The following LTBP1 variants were observed in gnomAD, a reference collection of about 807,000 sequenced individuals.
The protein encoded by LTBP1 is latent-transforming growth factor beta-binding protein 1.
Under a neutral mutation model 207.6 loss-of-function variants are expected in LTBP1, and 129 were observed. The ratio of observed to expected loss-of-function variants is 0.62; its 90% CI spans 0.54 to 0.72. The LOEUF (loss-of-function observed/expected upper bound fraction) is 0.72, where lower values mean the gene tolerates loss of function less well. Among genes scored for constraint, LTBP1 ranks in the 30% least tolerant of loss-of-function variants. LTBP1 has a pLI of 0.00. For missense variants in LTBP1, 2,281 were observed against 2,217.2 expected (o/e 1.03, Z -0.58); for synonymous variants, 963 against 833.7 (o/e 1.16, Z -2.67).
chr2:33,329,618 A>G (rs1427240393), intron 24 of LTBP1, among the ~76,000 whole-genome samples: 1 of 152,106 alleles, frequency 6.6e-6, no homozygotes, highest in Non-Finnish European at 1.5e-5. Flanking sequence ...TGGACATCAA[A>G]TTAGGTCATC....
At chr2:33,176,669 A>G (rs191135026) in intron 5 of LTBP1, among the ~76,000 whole-genome samples, 241 of 152,312 alleles carry the variant, frequency 1.6e-3, no homozygotes, top group Non-Finnish European at 3.0e-3. Flanking sequence ...GAAATAATCT[A>G]CAGTATAGTG....
chr2:32,989,106 G>A (rs1029129406), intron 2 of LTBP1, among the ~76,000 whole-genome samples: 93 of 152,086 alleles, frequency 6.1e-4, no homozygotes, highest in Non-Finnish European at 1.3e-4. Flanking sequence ...TTGCTATAAC[G>A]GAGTCCCTTA....
At chr2:33,065,438 A>C (rs1228090338) in intron 3 of LTBP1, among the ~76,000 whole-genome samples, 1 of 152,092 alleles carries the variant, frequency 6.6e-6, no homozygotes, top group African/African-American at 2.4e-5. Context: ...CCTGTAGCCC[A>C]AGCTACTCAG....
chr2:33,095,610 C>G (rs918621440), intron 3 of LTBP1, among the ~76,000 whole-genome samples: 3 of 152,006 alleles, frequency 2.0e-5, no homozygotes, highest in African/African-American at 7.2e-5. Flanking sequence ...ATAAAACAAT[C>G]AGTAGAAAAC....
chr2:33,169,085 T>C (rs1029368869), intron 5 of LTBP1, among the ~76,000 whole-genome samples: 1 of 152,236 alleles, frequency 6.6e-6, no homozygotes, highest in African/African-American at 2.4e-5. Context: ...TTGTTTATAG[T>C]AGTGGTTCCC....
intron 32 of LTBP1, among the ~76,000 whole-genome samples, chr2:33,396,235 G>A (rs1444988951): frequency 6.6e-6 from 1 of 150,884 alleles, no homozygotes; most frequent in East Asian, 1.9e-4. Flanking sequence ...TTTGTCTTTT[G>A]TTTTTTTGAC....
chr2:33,356,240 C>A (rs1224987043), intron 26 of LTBP1, among the ~76,000 whole-genome samples: 2 of 152,134 alleles, frequency 1.3e-5, no homozygotes, highest in Admixed American at 1.3e-4. Context: ...GGGAAGCAAT[C>A]GTGATGAATC....
rs1176008947 is a variant in LTBP1, at chr2:33,150,710, CTTTTTTTTTTTTTTTTT to C, written c.1201+15760_1201+15776del. ...CTTTTCTTTTTTCTTTTTTCTTTTT[CTTTTTTTTTTTTTTTTT>C]TTTTTTTTTGAGACAGAGTCTCGCT... On this transcript the variant is annotated intron_variant, in intron 5 of 33. Transcript: ENST00000404816. Among the ~76,000 whole-genome samples the C allele has an allele frequency of 1.8e-3, 127 of 69,314 alleles. 4 individuals are homozygous for C. Among genetic ancestry groups the C allele is most frequent in the Admixed American group, 1.2e-3 (6 of 4,834 alleles). 45.5% of individuals were successfully genotyped at this position (69,314 alleles called of 152,430 possible).
chr2:33,045,155 T>C (rs555642871), intron 3 of LTBP1, among the ~76,000 whole-genome samples: 2 of 152,210 alleles, frequency 1.3e-5, no homozygotes, highest in African/African-American at 2.4e-5. Flanking sequence ...CTGTTGCCAT[T>C]GCTTTTGGTG....
At chr2:33,244,637 A>G (rs2092446508) in intron 10 of LTBP1, among the ~76,000 whole-genome samples, 1 of 152,152 alleles carries the variant, frequency 6.6e-6, no homozygotes, top group Non-Finnish European at 1.5e-5. Flanking sequence ...ATAGGTAAGC[A>G]CTGTAAGATT....
intron 2 of LTBP1, among the ~76,000 whole-genome samples, chr2:32,978,101 C>G (rs1171223664): frequency 6.6e-6 from 1 of 152,014 alleles, no homozygotes; most frequent in Non-Finnish European, 1.5e-5. Flanking sequence ...TTTATTAGTT[C>G]TAATAGTTTT....
At chr2:32,978,019 A>G (rs952658982) in intron 2 of LTBP1, among the ~76,000 whole-genome samples, 98 of 152,036 alleles carry the variant, frequency 6.4e-4, no homozygotes, top group African/African-American at 2.3e-3. Context: ...CAAATTGTTC[A>G]CTATTAGCAT....
At position 33,363,526 on chromosome 2, in the gene LTBP1, T is replaced by C. The variant is rs147628246; in HGVS notation, c.4399+8T>C. ...TGAAACTGCAGTGCTTTGGTAAGCT[T>C]TAGGGGGATATAGTATGGTGTACTG... is the stretch of plus-strand genomic sequence containing the variant. On this transcript the variant is annotated splice_region_variant and intron_variant, in intron 29 of 33. Coordinates refer to ENST00000404816, the MANE Select transcript of LTBP1 (RefSeq NM_206943.4). 1.2e-6 allele frequency: 2 copies of C among 1,613,492 alleles called. No homozygotes were observed. Among genetic ancestry groups the C allele is most frequent in the African/African-American group, 2.7e-5 (2 of 75,012 alleles).
At chr2:33,287,787 A>G (rs1293316574) in intron 19 of LTBP1, among the ~76,000 whole-genome samples, 4 of 152,242 alleles carry the variant, frequency 2.6e-5, no homozygotes, top group Admixed American at 1.3e-4. Flanking sequence ...CTACTACCAC[A>G]TATTTTAACT....
At chr2:33,384,175 G>C (rs1430067473) in intron 31 of LTBP1, among the ~76,000 whole-genome samples, 2 of 152,120 alleles carry the variant, frequency 1.3e-5, no homozygotes, top group African/African-American at 4.8e-5. Context: ...CACACCCACA[G>C]GCTCCAGGGG....
chr2:33,129,281 G>A (rs906431544), intron 4 of LTBP1, among the ~76,000 whole-genome samples: 12 of 152,090 alleles, frequency 7.9e-5, no homozygotes, highest in African/African-American at 2.9e-4. Flanking sequence ...TTCAGTTTAG[G>A]GATGCGGAAC....
intron 3 of LTBP1, among the ~76,000 whole-genome samples, chr2:33,029,913 A>G (rs1010399253): frequency 1.3e-5 from 2 of 152,258 alleles, no homozygotes; most frequent in African/African-American, 4.8e-5. Flanking sequence ...ATTCTGTTTC[A>G]TGAAGGAAAT....
chr2:33,334,174 C>T (rs1000759319), intron 24 of LTBP1, among the ~76,000 whole-genome samples: 1 of 152,164 alleles, frequency 6.6e-6, no homozygotes, highest in African/African-American at 2.4e-5. Context: ...GGAGTAAACA[C>T]AGCATGCGTA....
At chr2:33,002,070 C>T (rs549826679) in intron 2 of LTBP1, among the ~76,000 whole-genome samples, 1 of 134,398 alleles carries the variant, frequency 7.4e-6, no homozygotes, top group East Asian at 3.8e-4. Context: ...AATACAACAC[C>T]AGTCACTGTT....
Sources: gnomAD v4.1 joint callset for allele counts (sites outside exome capture counted in the v4.1 genomes callset) on GRCh38, gnomAD v4.1.1 for gene constraint, MANE v1.5 for transcripts, NCBI Gene and HGNC (gene_info 2026-07-23, HGNC 2026-07-21) for gene names.